PABIR3: variants seen among roughly 807,000 people sequenced by gnomAD.
PABIR3 encodes the protein PABIR family member 1.
PABIR3 carries 20 observed loss-of-function variants against 23.1 expected under a neutral mutation model. That is an observed-to-expected ratio of 0.86 (90% confidence interval 0.61 to 1.26). PABIR3 has a LOEUF of 1.26. Among genes scored for constraint, PABIR3 ranks in the 50% most tolerant of loss-of-function variants. The pLI, the probability that PABIR3 is intolerant of heterozygous loss-of-function variation, is 0.00. For synonymous variants in PABIR3, 69 were observed against 68.5 expected (o/e 1.01, Z -0.04); for missense variants, 189 against 195.4 (o/e 0.97, Z 0.20).
At chrX:134,808,070 A>C (rs1402230834) in intron 2 of PABIR3, 2 of 296,610 alleles carry the variant, frequency 6.7e-6, no homozygotes, top group Admixed American at 1.2e-4. Context: ...TCACCTCCAG[A>C]TCTTCTGCCA....
At chrX:134,855,228 A>C (rs1327617642), downstream of PABIR3, among the ~76,000 whole-genome samples, 2 of 110,323 alleles carry the variant, frequency 1.8e-5, no homozygotes, top group Non-Finnish European at 1.9e-5. Flanking sequence ...AGGTCAGGAG[A>C]TCGAGACCAT....
intron 4 of PABIR3, among the ~76,000 whole-genome samples, chrX:134,829,587 A>G (rs1035694002): frequency 8.9e-6 from 1 of 112,095 alleles, no homozygotes; most frequent in Non-Finnish European, 1.9e-5. Flanking sequence ...CAGCTTCATA[A>G]TAACTGTAGT....
At chrX:134,835,550 T>C (rs1008426730) in intron 4 of PABIR3, 1 of 112,304 alleles carries the variant, frequency 8.9e-6, no homozygotes, top group African/African-American at 3.2e-5. Context: ...TTTCTAAGTA[T>C]TAAAGAGACT....
At chrX:134,820,244 G>A (rs1373906747) in intron 3 of PABIR3, among the ~76,000 whole-genome samples, 1 of 111,962 alleles carries the variant, frequency 8.9e-6, no homozygotes, top group African/African-American at 3.2e-5. Flanking sequence ...TTTACTTTAT[G>A]CATTTCTATA....
chrX:134,807,066 T>C (rs1360067991), upstream of PABIR3: 4 of 535,807 alleles, frequency 7.5e-6, no homozygotes, highest in African/African-American at 2.6e-5. Context: ...GGGCAGGACA[T>C]GGGGATAAAG....
chrX:134,798,948 T>C (rs1393605658), intron 1 of PABIR3, among the ~76,000 whole-genome samples: 1 of 112,277 alleles, frequency 8.9e-6, no homozygotes, highest in Non-Finnish European at 1.9e-5. Context: ...CCCACAACCA[T>C]TTGCAGTGTG....
chrX:134,832,687 G>A (rs1198049291), intron 4 of PABIR3, among the ~76,000 whole-genome samples: 2 of 111,151 alleles, frequency 1.8e-5, no homozygotes, highest in Non-Finnish European at 3.8e-5. Context: ...ACAGGCGTGA[G>A]CCACCGTGCC....
At chrX:134,799,160 A>T (rs1424368374) in intron 1 of PABIR3, among the ~76,000 whole-genome samples, 1 of 112,235 alleles carries the variant, frequency 8.9e-6, no homozygotes, top group Non-Finnish European at 1.9e-5. Flanking sequence ...CCAAGCGTAC[A>T]GAATTAAGTT....
At chrX:134,828,180 C>T (rs1469830227) in intron 3 of PABIR3, among the ~76,000 whole-genome samples, 1 of 107,074 alleles carries the variant, frequency 9.3e-6, no homozygotes, top group Non-Finnish European at 1.9e-5. Context: ...CCTCCCGTGC[C>T]TGGCCTCCAG....
intron 4 of PABIR3, among the ~76,000 whole-genome samples, chrX:134,830,742 C>T (rs1015601630): frequency 1.4e-4 from 16 of 111,204 alleles, no homozygotes; most frequent in Non-Finnish European, 2.6e-4. Flanking sequence ...AAAGTGACCT[C>T]GTGTTTATCT....
At chrX:134,804,257 T>A, upstream of PABIR3, 1 of 1,134,072 alleles carries the variant, frequency 8.8e-7, no homozygotes. Context: ...GTTGGTATAA[T>A]AATGTGTGCG....
At chrX:134,836,889 G>C (rs2081991292) in intron 4 of PABIR3, among the ~76,000 whole-genome samples, 1 of 111,046 alleles carries the variant, frequency 9.0e-6, no homozygotes, top group Non-Finnish European at 1.9e-5. Context: ...TTTCTCTGTA[G>C]TGTCTTAAGT....
At chrX:134,818,451 G>T (rs778213888) in intron 3 of PABIR3, among the ~76,000 whole-genome samples, 5 of 111,779 alleles carry the variant, frequency 4.5e-5, no homozygotes, top group African/African-American at 1.6e-4. Flanking sequence ...TCAGAAGAGA[G>T]TAGTACCATG....
downstream of PABIR3, among the ~76,000 whole-genome samples, chrX:134,855,358 C>T (rs889702715): frequency 4.6e-5 from 5 of 109,108 alleles, no homozygotes; most frequent in Non-Finnish European, 9.5e-5. Context: ...GGCGTGAATC[C>T]GGGAGGTGGA....
upstream of PABIR3, among the ~76,000 whole-genome samples, chrX:134,802,228 C>T (rs779126679): frequency 9.9e-5 from 11 of 111,478 alleles, no homozygotes; most frequent in Non-Finnish European, 1.9e-5. Context: ...GGATTACAGG[C>T]ATGCACCACT....
In PABIR3 at chrX:134,845,395, G is replaced by A; in HGVS notation, c.339G>A (p.Leu113=). The A allele has an allele frequency of 8.3e-7, 1 of 1,198,977 alleles. No individual in the cohort carries two copies. Among genetic ancestry groups the A allele is most frequent in the Non-Finnish European group, 1.1e-6 (1 of 889,261 alleles). ...TAAGTCACTCTTGGGAAGAAGGCTT[G>A]AAACTGGTATGATATTATAACTTCA... The part of the protein sequence containing the change: ...IQISHSWEEG[L]KLNDNGLQKS... The change falls in exon 6 of 11, where the codon TTG becomes TTA. Residue 113 remains leucine, a synonymous_variant. Transcript: ENST00000645433.
intron 4 of PABIR3, among the ~76,000 whole-genome samples, chrX:134,830,207 A>G (rs2081704886): frequency 9.2e-6 from 1 of 109,235 alleles, no homozygotes; most frequent in Non-Finnish European, 1.9e-5. Flanking sequence ...TTGTAATCCT[A>G]GTTATTAGTC....
At chrX:134,806,737 C>T (rs982792564), upstream of PABIR3, among the ~76,000 whole-genome samples, 2 of 109,261 alleles carry the variant, frequency 1.8e-5, no homozygotes, top group East Asian at 5.7e-4. Context: ...TAGCAAGACC[C>T]TTTGGGACCA....
chrX:134,847,849 C>A (rs1449043630), intron 7 of PABIR3, 34 bp from the exon 8 acceptor site: 41 of 1,102,801 alleles, frequency 3.7e-5, no homozygotes, highest in Non-Finnish European at 4.6e-5. Context: ...AGAAAAGTGG[C>A]GGTTTTAAAA....
Sources: allele counts gnomAD v4.1 joint callset (sites outside exome capture counted in the v4.1 genomes callset), GRCh38; gene constraint gnomAD v4.1.1; transcripts MANE v1.5; gene names NCBI Gene and HGNC (gene_info 2026-07-23, HGNC 2026-07-21).